Variants in RIMBP2 observed in about 807,000 individuals in gnomAD.
RIMBP2 encodes the protein RIMS-binding protein 2.
Under a neutral mutation model 118.6 loss-of-function variants are expected in RIMBP2, and 48 were observed. The observed-to-expected ratio is 0.40, with a 90% confidence interval of 0.32 to 0.51. RIMBP2 has a LOEUF of 0.51. Among genes scored for constraint, RIMBP2 ranks in the 20% least tolerant of loss-of-function variants. RIMBP2 has a pLI of 0.41. For missense variants in RIMBP2, 1,551 were observed against 1,768.3 expected (o/e 0.88, Z 2.20); for synonymous variants, 762 against 742.9 (o/e 1.03, Z -0.42).
In RIMBP2 at chr12:130,424,088, AT is replaced by A. The variant is rs1377456733; in HGVS notation, c.3129+53del. On this transcript the variant is annotated intron_variant, in intron 16 of 22. Transcript: ENST00000690449. The surrounding 1 kb of genome is among the most constrained non-coding windows in gnomAD (Gnocchi z 9.8). Reference sequence around the variant, plus strand: ...GAACAAACAGAAAACCAGTGAAAGGATGGGACAGATTGGTTTGGCAAGCGGC... The same window carrying A: ...GAACAAACAGAAAACCAGTGAAAGGAGGGACAGATTGGTTTGGCAAGCGGC... 23 of 951,160 alleles carry A rather than the reference AT, an allele frequency of 2.4e-5. No individual in the cohort carries two copies. In the East Asian group the frequency reaches 7.2e-4, roughly 30 times the overall value. 58.9% of individuals were successfully genotyped at this position (951,160 alleles called of 1,614,324 possible).
At chr12:130,552,831 ATTTTGCAGCAATAG>A (rs1307341487) in intron 2 of RIMBP2, among the ~76,000 whole-genome samples, 1 of 152,238 alleles carries the variant, frequency 6.6e-6, no homozygotes, top group East Asian at 1.9e-4. Context: ...GGGTCATTCC[ATTTTGCAGCAATAG>A]TTATCTCAGA....
intron 11 of RIMBP2, among the ~76,000 whole-genome samples, chr12:130,439,365 G>A (rs1243692435): frequency 6.6e-6 from 1 of 150,802 alleles, no homozygotes; most frequent in Non-Finnish European, 1.5e-5. Flanking sequence ...GCATGCGTAT[G>A]TGTGTATGTG....
intron 5 of RIMBP2, among the ~76,000 whole-genome samples, chr12:130,473,292 C>A (rs2081162568): frequency 6.6e-6 from 1 of 152,228 alleles, no homozygotes; most frequent in East Asian, 1.9e-4. Flanking sequence ...GAAAGTGCGA[C>A]CTTTACGGAG....
chr12:130,495,014 C>T (rs2049011677), intron 4 of RIMBP2, among the ~76,000 whole-genome samples: 1 of 151,276 alleles, frequency 6.6e-6, no homozygotes, highest in Non-Finnish European at 1.5e-5. Context: ...CCAGAAGACA[C>T]CTCACTCCCA....
At position 130,521,344 on chromosome 12, in the gene RIMBP2, G is replaced by T. The variant is rs370498822; in HGVS notation, c.-216-3427C>A. On this transcript the variant is annotated intron_variant, in intron 2 of 22. Coordinates refer to ENST00000690449, the MANE Select transcript of RIMBP2 (RefSeq NM_001393629.1). ...GGCCTCCAAATGTGGGCCTGGAATC[G>T]CAACACAACAAAACGAGAGTCCCCC... Among the ~76,000 whole-genome samples the T allele has an allele frequency of 1.6e-3, 243 of 152,284 alleles. 2 individuals are homozygous for T. The highest frequency in any genetic ancestry group is 5.5e-3 in the African/African-American group (229 of 41,572).
At chr12:130,709,231 C>A (rs1446813577) in intron 1 of RIMBP2, among the ~76,000 whole-genome samples, 2 of 152,258 alleles carry the variant, frequency 1.3e-5, no homozygotes, top group African/African-American at 4.8e-5. Flanking sequence ...AGCTGGGGAA[C>A]TGTCTGGACA....
intron 17 of RIMBP2, among the ~76,000 whole-genome samples, chr12:130,415,090 C>T (rs1237729072): frequency 6.6e-6 from 1 of 152,104 alleles, no homozygotes; most frequent in Non-Finnish European, 1.5e-5. Context: ...ATCTGACAGA[C>T]ACAACAAAAA....
rs1227116076 is a variant in RIMBP2 at position 130,446,073 on chromosome 12, A to G, written c.582-804T>C. ...GAGTATCCATATTCTCCAGTCCTCA[A>G]CATATTGGGATTAATAATTTTCAAA... On this transcript the variant is annotated intron_variant, in intron 9 of 22. Coordinates refer to ENST00000690449, the MANE Select transcript of RIMBP2 (RefSeq NM_001393629.1). The surrounding 1 kb of genome is among the most constrained non-coding windows in gnomAD (Gnocchi z 4.1). Among the ~76,000 whole-genome samples the G allele has an allele frequency of 6.7e-6, 1 of 149,604 alleles. No homozygotes were observed. The highest frequency in any genetic ancestry group is 1.5e-5 in the Non-Finnish European group (1 of 67,628).
At chr12:130,432,116 C>G (rs1247487637) in intron 14 of RIMBP2, 1 of 414,046 alleles carries the variant, frequency 2.4e-6, no homozygotes, top group African/African-American at 2.1e-5. Flanking sequence ...AACAAGTGCT[C>G]CAGCCTTTCC....
At chr12:130,562,137 T>G (rs1458720168) in intron 2 of RIMBP2, among the ~76,000 whole-genome samples, 2 of 152,216 alleles carry the variant, frequency 1.3e-5, no homozygotes, top group Non-Finnish European at 2.9e-5. Flanking sequence ...ACTCTTTTAG[T>G]GCATTCTTTT....
At chr12:130,398,863 C>T (rs1426061761) in intron 22 of RIMBP2, 2 of 237,364 alleles carry the variant, frequency 8.4e-6, no homozygotes, top group East Asian at 1.6e-4. Flanking sequence ...CCAATGTTGG[C>T]CTTTCAAATA....
At chr12:130,499,568 C>A (rs1206190921) in intron 4 of RIMBP2, among the ~76,000 whole-genome samples, 1 of 152,138 alleles carries the variant, frequency 6.6e-6, no homozygotes, top group Non-Finnish European at 1.5e-5. Flanking sequence ...CTAACTATTT[C>A]CCCGTGTTCA....
intron 2 of RIMBP2, among the ~76,000 whole-genome samples, chr12:130,569,963 C>T (rs1302485795): frequency 6.6e-6 from 1 of 152,124 alleles, no homozygotes; most frequent in Non-Finnish European, 1.5e-5. Flanking sequence ...GGAAACCTAC[C>T]TTACTCTGCA....
At chr12:130,482,688 C>T (rs1473773643) in intron 4 of RIMBP2, among the ~76,000 whole-genome samples, 2 of 152,374 alleles carry the variant, frequency 1.3e-5, no homozygotes, top group African/African-American at 4.8e-5. Context: ...AAAACCAGCT[C>T]TCTTGGAGCT....
At chr12:130,541,228 C>T (rs577792332) in intron 2 of RIMBP2, among the ~76,000 whole-genome samples, 1 of 152,228 alleles carries the variant, frequency 6.6e-6, no homozygotes, top group Non-Finnish European at 1.5e-5. Context: ...TCTTCCCTCA[C>T]TTCCCCTGCC....
chr12:130,445,320 G>T (rs376306450), intron 9 of RIMBP2, 51 bp from the exon 10 acceptor site: 2 of 1,345,524 alleles, frequency 1.5e-6, no homozygotes, highest in South Asian at 2.6e-5. Context: ...GACACAGCCC[G>T]CACCCCTGTC....
chr12:130,454,931 T>G (rs1310217068), intron 7 of RIMBP2, among the ~76,000 whole-genome samples: 3 of 152,236 alleles, frequency 2.0e-5, no homozygotes, highest in African/African-American at 7.2e-5. Context: ...TCCCCTACAC[T>G]GGATGGAAAC....
In RIMBP2 at chr12:130,620,181, C is replaced by A. The variant is rs1260118764; in HGVS notation, c.-217+8141G>T. Among the ~76,000 whole-genome samples the A allele has an allele frequency of 1.3e-5, 2 of 152,162 alleles. No homozygotes were observed. The highest frequency in any genetic ancestry group is 2.4e-5 in the African/African-American group (1 of 41,440). On this transcript the variant is annotated intron_variant, in intron 2 of 22. Transcript: ENST00000690449. The surrounding 1 kb of genome is among the most constrained non-coding windows in gnomAD (Gnocchi z 5.3). ...GTCATGGTGCCTCACCCTCTCCAGC[C>A]AAGGGATGGGCACAAGACCGAAGTG... is the stretch of plus-strand genomic sequence containing the variant.
At chr12:130,702,238 C>G (rs2632600) in intron 1 of RIMBP2, among the ~76,000 whole-genome samples, 43,839 of 151,874 alleles carry the variant, frequency 0.29, 7,210 homozygotes, top group African/African-American at 0.43. Flanking sequence ...CATGTGGGAC[C>G]GGGCACAGTG....
Sources: gnomAD v4.1 joint callset for allele counts (sites outside exome capture counted in the v4.1 genomes callset) on GRCh38, gnomAD v4.1.1 for gene constraint, Gnocchi (gnomAD v3.1) non-coding constraint, MANE v1.5 for transcripts, NCBI Gene and HGNC (gene_info 2026-07-23, HGNC 2026-07-21) for gene names.